DIP2C: variants seen among roughly 807,000 people sequenced by gnomAD.
The protein encoded by DIP2C is DIP2 acetate--CoA ligase C (putative).
In DIP2C, 33 loss-of-function variants were observed where a neutral mutation model predicts 192.4. The ratio of observed to expected loss-of-function variants is 0.17; its 90% CI spans 0.13 to 0.23. The LOEUF is 0.23. Ranked by LOEUF, DIP2C falls within the 10% of genes least tolerant of loss-of-function variation. DIP2C has a pLI of 1.00. For missense variants in DIP2C, 1,537 were observed against 2,110.1 expected, an observed-to-expected ratio of 0.73 and a Z score of 5.32; for synonymous variants, 979 against 864.1, an observed-to-expected ratio of 1.13 and a Z score of -2.33.
intron 34 of DIP2C, among the ~76,000 whole-genome samples, chr10:284,303 A>G (rs564539093): frequency 8.5e-5 from 13 of 152,330 alleles, no homozygotes; most frequent in South Asian, 2.1e-4. Flanking sequence ...TGCACAACAA[A>G]TGAAAAAGTG....
rs146399494 is a variant in DIP2C, at chr10:505,451, T to TGC, written c.86-18923_86-18922dup. On this transcript the variant is annotated intron_variant, in intron 1 of 36. Coordinates refer to ENST00000280886, the MANE Select transcript of DIP2C (RefSeq NM_014974.3). The stretch of plus-strand genomic sequence containing the variant: ...CAACCTTTCCAATCTATTAACCCCC[T>TGC]GCCTGAGGCTCTCGACTGATCCCCA... Among the ~76,000 whole-genome samples, 434 of 152,312 alleles carry TGC rather than the reference T, an allele frequency of 2.8e-3. 13 individuals carry two copies. In the East Asian group the frequency reaches 0.067, roughly 23 times the overall value.
intron 1 of DIP2C, among the ~76,000 whole-genome samples, chr10:520,434 G>C (rs761140468): frequency 5.3e-5 from 8 of 152,230 alleles, no homozygotes; most frequent in Non-Finnish European, 1.0e-4. Context: ...AGTAATTTCT[G>C]CATACAAAAA....
At chr10:632,058 A>G (rs1278756098) in intron 1 of DIP2C, among the ~76,000 whole-genome samples, 1 of 152,238 alleles carries the variant, frequency 6.6e-6, no homozygotes, top group African/African-American at 2.4e-5. Context: ...TTGAAGAGAT[A>G]AAAGCACGAT....
At chr10:495,859 C>G (rs1484166745) in intron 1 of DIP2C, among the ~76,000 whole-genome samples, 1 of 151,912 alleles carries the variant, frequency 6.6e-6, no homozygotes, top group Admixed American at 6.6e-5. Flanking sequence ...GTACACAGAA[C>G]CCATGGTGCC....
rs1347290797 is a variant in DIP2C, at chr10:564,622, C to T, written c.86-78092G>A. 6.9e-5 allele frequency among the ~76,000 whole-genome samples: 8 copies of T among 116,760 alleles called. No homozygotes were observed. In the East Asian group the frequency reaches 1.8e-3, roughly 27 times the overall value. 76.6% of individuals were successfully genotyped at this position (116,760 alleles called of 152,430 possible). Reference sequence around the variant, plus strand: ...CATTTTGCCTGTCTCCTTTTGACCTCTGTTTCCTCATCTCTAACATGAGGT... The same window carrying T: ...CATTTTGCCTGTCTCCTTTTGACCTTTGTTTCCTCATCTCTAACATGAGGT... On this transcript the variant is annotated intron_variant, in intron 1 of 36. Coordinates refer to ENST00000280886, the MANE Select transcript of DIP2C (RefSeq NM_014974.3).
intron 8 of DIP2C, among the ~76,000 whole-genome samples, chr10:410,685 A>G (rs1256024885): frequency 6.6e-6 from 1 of 152,206 alleles, no homozygotes; most frequent in Non-Finnish European, 1.5e-5. Flanking sequence ...ATTACACTCA[A>G]TTAGCACCAT....
chr10:474,949 C>CT (rs370945382), intron 2 of DIP2C, among the ~76,000 whole-genome samples: 34 of 152,242 alleles, frequency 2.2e-4, no homozygotes, highest in African/African-American at 7.0e-4. Flanking sequence ...CCTCGATAAT[C>CT]TTTTTGCTGC....
chr10:621,042 C>A (rs1853815186), intron 1 of DIP2C, among the ~76,000 whole-genome samples: 1 of 152,138 alleles, frequency 6.6e-6, no homozygotes. Context: ...CCTGAGGAGG[C>A]CCAAGTACCT....
intron 1 of DIP2C, among the ~76,000 whole-genome samples, chr10:600,188 C>A (rs1408756798): frequency 6.6e-6 from 1 of 152,170 alleles, no homozygotes; most frequent in African/African-American, 2.4e-5. Flanking sequence ...CATTTGGTTA[C>A]GACCGGCAGA....
chr10:562,818 A>G (rs1449709796), intron 1 of DIP2C, among the ~76,000 whole-genome samples: 1 of 152,230 alleles, frequency 6.6e-6, no homozygotes, highest in Non-Finnish European at 1.5e-5. Flanking sequence ...TCAACACAGA[A>G]ATCCATAACA....
chr10:614,320 C>T (rs899739220), intron 1 of DIP2C, among the ~76,000 whole-genome samples: 3 of 152,236 alleles, frequency 2.0e-5, no homozygotes, highest in African/African-American at 7.2e-5. Flanking sequence ...GAGACGGGAG[C>T]CTGGCCAAGG....
At position 392,151 on chromosome 10, in the gene DIP2C, A is replaced by T. The variant is rs148458842; in HGVS notation, c.1261-1288T>A. On this transcript the variant is annotated intron_variant, in intron 10 of 36. Coordinates refer to ENST00000280886, the MANE Select transcript of DIP2C (RefSeq NM_014974.3). Reference sequence around the variant, plus strand: ...GCCCTAATCAGTCACTTTAATGTGAATCTGAACATCACATTAGCAAACGTC... The same window carrying T: ...GCCCTAATCAGTCACTTTAATGTGATTCTGAACATCACATTAGCAAACGTC... Among the ~76,000 whole-genome samples, 913 of 152,316 alleles carry T rather than the reference A, an allele frequency of 6.0e-3. 3 individuals are homozygous for T. The highest frequency in any genetic ancestry group is 0.014 in the Middle Eastern group (4 of 294).
intron 1 of DIP2C, among the ~76,000 whole-genome samples, chr10:553,489 A>G (rs1433164875): frequency 6.6e-6 from 1 of 152,202 alleles, no homozygotes; most frequent in Admixed American, 6.5e-5. Flanking sequence ...AAAGGACCAT[A>G]AAATTTTGCG....
intron 1 of DIP2C, among the ~76,000 whole-genome samples, chr10:580,026 C>T (rs558462339): frequency 1.9e-3 from 283 of 152,184 alleles, no homozygotes; most frequent in African/African-American, 5.8e-3. Context: ...AGCATGTACA[C>T]GCATCTCTAT....
chr10:281,120 C>T, intron 36 of DIP2C, 80 bp downstream of exon 36: 2 of 1,570,476 alleles, frequency 1.3e-6, no homozygotes, highest in Non-Finnish European at 1.7e-6. Flanking sequence ...AACTCTCCTC[C>T]ACCGCCGTGC....
At chr10:483,790 A>C (rs920769330) in intron 2 of DIP2C, among the ~76,000 whole-genome samples, 50 of 152,046 alleles carry the variant, frequency 3.3e-4, no homozygotes, top group Non-Finnish European at 1.6e-4. Flanking sequence ...AACTGTAATA[A>C]TAAAGTTTGC....
intron 1 of DIP2C, among the ~76,000 whole-genome samples, chr10:548,204 C>T (rs1433261035): frequency 3.5e-5 from 1 of 28,478 alleles, no homozygotes; most frequent in African/African-American, 1.0e-4. Flanking sequence ...CACGAGTCTG[C>T]CCCACCCCCC....
intron 1 of DIP2C, among the ~76,000 whole-genome samples, chr10:540,712 A>G (rs957241348): frequency 6.6e-6 from 1 of 152,222 alleles, no homozygotes; most frequent in Non-Finnish European, 1.5e-5. Flanking sequence ...TAATTTTACC[A>G]CAATAAAAAG....
At chr10:500,898 T>C (rs1845182628) in intron 1 of DIP2C, among the ~76,000 whole-genome samples, 1 of 152,186 alleles carries the variant, frequency 6.6e-6, no homozygotes, top group South Asian at 2.1e-4. Context: ...ATTTTTTTTC[T>C]GACAACCTTG....
Sources: allele counts gnomAD v4.1 joint callset (sites outside exome capture counted in the v4.1 genomes callset), GRCh38; gene constraint gnomAD v4.1.1; transcripts MANE v1.5; gene names NCBI Gene and HGNC (gene_info 2026-07-23, HGNC 2026-07-21).